Variants in SRL observed in about 807,000 individuals in gnomAD.
The protein encoded by SRL is sarcalumenin.
SRL carries 23 observed loss-of-function variants against 39.5 expected under a neutral mutation model. That is an observed-to-expected ratio of 0.58 (90% CI 0.42 to 0.82). The LOEUF is 0.82. Among genes scored for constraint, SRL ranks in the 40% least tolerant of loss-of-function variants. SRL has a pLI of 0.00. For missense variants in SRL, 592 were observed against 607.8 expected (o/e 0.97, Z 0.27); for synonymous variants, 272 against 237.4 (o/e 1.15, Z -1.34).
chr16:4,209,564 C>T (rs577773849), intron 1 of SRL, among the ~76,000 whole-genome samples: 2 of 152,322 alleles, frequency 1.3e-5, no homozygotes, highest in South Asian at 2.1e-4. Flanking sequence ...TCTTGGAGTA[C>T]CCCTTCTCCC....
intron 1 of SRL, among the ~76,000 whole-genome samples, chr16:4,215,177 G>A (rs1024032295): frequency 6.6e-6 from 1 of 152,138 alleles, no homozygotes; most frequent in Non-Finnish European, 1.5e-5. Flanking sequence ...CATTCTCCCA[G>A]GACCCCTGAG....
intron 5 of SRL, among the ~76,000 whole-genome samples, chr16:4,194,334 C>T (rs768457113): frequency 6.6e-6 from 1 of 152,216 alleles, no homozygotes; most frequent in Admixed American, 6.5e-5. Context: ...TCCCCCCAGC[C>T]CCTGGTTAAA....
At chr16:4,212,854 A>G (rs1400480086) in intron 1 of SRL, among the ~76,000 whole-genome samples, 4 of 152,086 alleles carry the variant, frequency 2.6e-5, no homozygotes, top group Non-Finnish European at 5.9e-5. Flanking sequence ...GCCTCAGGGC[A>G]GGCCCAGGCT....
chr16:4,196,420 C>T (rs1037109027), intron 4 of SRL, among the ~76,000 whole-genome samples: 2 of 152,044 alleles, frequency 1.3e-5, no homozygotes, highest in African/African-American at 4.8e-5. Context: ...TTCCTCTTCC[C>T]CCAGTCCCTG....
intron 3 of SRL, among the ~76,000 whole-genome samples, chr16:4,199,058 G>A (rs751347449): frequency 5.3e-5 from 8 of 152,150 alleles, no homozygotes; most frequent in Admixed American, 1.3e-4. Context: ...AGCACAGAGG[G>A]CCAGTCCTGC....
chr16:4,203,569 T>C (rs2052267871), intron 2 of SRL, among the ~76,000 whole-genome samples: 1 of 152,228 alleles, frequency 6.6e-6, no homozygotes, highest in Non-Finnish European at 1.5e-5. Context: ...TCACCCAGGC[T>C]GGAGTGCAGT....
At position 4,190,769 on chromosome 16, in the gene SRL, G is replaced by T. The variant is rs372466675; in HGVS notation, c.*1384C>A. On this transcript the variant is annotated 3_prime_UTR_variant, in exon 6 of 6. Transcript: ENST00000399609. ...TTAAGCCTTGGTGGCCACCGACACC[G>T]AGTGGCTGGTGCTGGTTCTGACTCC... 31 of 302,804 alleles carry T rather than the reference G, an allele frequency of 1.0e-4. No homozygotes were observed. The highest frequency in any genetic ancestry group is 9.1e-4 in the East Asian group (17 of 18,768). The allele number at this position is 302,804 out of a possible 1,614,324, so 18.8% of individuals were successfully genotyped here. A position where few individuals can be genotyped will look rare whatever the true frequency, so the allele number is the denominator to read the frequency against.
At chr16:4,207,417 C>T (rs759811670) in intron 1 of SRL, 3 of 456,594 alleles carry the variant, frequency 6.6e-6, no homozygotes, top group Non-Finnish European at 1.3e-5. Context: ...CTCCGACTCT[C>T]CCCCAACAGC....
intron 1 of SRL, among the ~76,000 whole-genome samples, chr16:4,222,300 G>T (rs2052539703): frequency 6.6e-6 from 1 of 152,142 alleles, no homozygotes; most frequent in African/African-American, 2.4e-5. Flanking sequence ...TAAAAACAGG[G>T]TCTCACTCTT....
chr16:4,200,377 T>C (rs1346452853), intron 3 of SRL, among the ~76,000 whole-genome samples: 6 of 152,084 alleles, frequency 3.9e-5, no homozygotes, highest in African/African-American at 1.4e-4. Context: ...ACAGGGCCCT[T>C]TCCTGGTGCT....
intron 1 of SRL, among the ~76,000 whole-genome samples, chr16:4,219,942 G>A (rs571217274): frequency 6.6e-6 from 1 of 152,164 alleles, no homozygotes; most frequent in Admixed American, 6.5e-5. Context: ...CTGAGTTCAA[G>A]GTGGCAGAGG....
At chr16:4,216,776 G>T (rs1487224531) in intron 1 of SRL, among the ~76,000 whole-genome samples, 1 of 152,174 alleles carries the variant, frequency 6.6e-6, no homozygotes, top group Admixed American at 6.5e-5. Context: ...GGGAGGAAAG[G>T]GAAAGGAAGG....
intron 1 of SRL, among the ~76,000 whole-genome samples, chr16:4,219,222 A>T (rs2052493633): frequency 6.6e-6 from 1 of 152,236 alleles, no homozygotes; most frequent in Admixed American, 6.5e-5. Context: ...AGAACTAGAG[A>T]CAAGGTCTCC....
chr16:4,200,020 C>T (rs1198861178), intron 3 of SRL, among the ~76,000 whole-genome samples: 2 of 152,112 alleles, frequency 1.3e-5, no homozygotes, highest in South Asian at 2.1e-4. Context: ...GAGAGCGTTG[C>T]CATATGCTTC....
Position 4,190,353 on chromosome 16 carries a change from G to C in SRL, c.*1800C>G, listed in dbSNP as rs2052046243. On this transcript the variant is annotated 3_prime_UTR_variant, in exon 6 of 6. Coordinates refer to ENST00000399609, the MANE Select transcript of SRL (RefSeq NM_001098814.2). ...CAGGATGACTTCCTGGTGCTGAGCT[G>C]GTGCATCCTGACTCCTGCCTCGTGG... 2.5e-6 allele frequency: 1 copy of C among 398,722 alleles called. No individual in the cohort carries two copies. The highest frequency in any genetic ancestry group is 2.1e-5 in the African/African-American group (1 of 48,630). The allele number at this position is 398,722 out of a possible 1,614,324, so 24.7% of individuals were successfully genotyped here.
At chr16:4,228,871 G>C (rs1281506935) in intron 1 of SRL, among the ~76,000 whole-genome samples, 2 of 152,160 alleles carry the variant, frequency 1.3e-5, no homozygotes, top group East Asian at 3.8e-4. Flanking sequence ...CAAGCTTCAA[G>C]GGCTGCCCAA....
chr16:4,228,548 A>T (rs1259141109), intron 1 of SRL, among the ~76,000 whole-genome samples: 1 of 152,010 alleles, frequency 6.6e-6, no homozygotes, highest in Non-Finnish European at 1.5e-5. Flanking sequence ...ATCCTGGCTA[A>T]CACGGTGAAA....
intron 1 of SRL, among the ~76,000 whole-genome samples, chr16:4,231,243 G>A (rs2052657159): frequency 1.3e-5 from 2 of 152,164 alleles, no homozygotes; most frequent in East Asian, 1.9e-4. Flanking sequence ...TTGAGCCCGG[G>A]AGGCAGAGAT....
chr16:4,241,890 C>T lies in SRL; in HGVS notation c.61+117G>A. ...AAAGAGAAGGGTAAGAAGACACCAG[C>T]CAAGAGCCAGGGTTTGCCATCAGCC... On this transcript the variant is annotated intron_variant, in intron 1 of 5. Transcript: ENST00000399609. 36 of 1,091,904 alleles carry T rather than the reference C, an allele frequency of 3.3e-5. No homozygotes were observed. In the South Asian group the frequency reaches 4.6e-4, roughly 14 times the overall value. 67.6% of individuals were successfully genotyped at this position (1,091,904 alleles called of 1,614,324 possible).
Sources: allele counts gnomAD v4.1 joint callset (sites outside exome capture counted in the v4.1 genomes callset), GRCh38; gene constraint gnomAD v4.1.1; transcripts MANE v1.5; gene names NCBI Gene and HGNC (gene_info 2026-07-23, HGNC 2026-07-21).